The following IL1RAPL1 variants were observed in gnomAD, a reference collection of about 807,000 sequenced individuals.
The protein encoded by IL1RAPL1 is interleukin 1 receptor accessory protein like 1.
IL1RAPL1 carries 3 observed loss-of-function variants against 48.4 expected under a neutral mutation model. The ratio of observed to expected loss-of-function variants is 0.06; its 90% CI spans 0.03 to 0.16. The LOEUF (loss-of-function observed/expected upper bound fraction) is 0.16, where lower values mean the gene tolerates loss of function less well. IL1RAPL1 is among the 10% of genes least tolerant of loss of function. The pLI, the probability that IL1RAPL1 is intolerant of heterozygous loss-of-function variation, is 1.00. For synonymous variants in IL1RAPL1, 185 were observed against 187.7 expected (o/e 0.99, Z 0.12); for missense variants, 349 against 530.6 (o/e 0.66, Z 3.36).
chrX:28,613,893 C>G lies in IL1RAPL1; in HGVS notation c.-25+25846C>G, dbSNP rs184915478. ...CTGAGAGAACATGGGCTTTTCAACA[C>G]AAGTTAAATATAGGCTGGCACAGAA... On this transcript the variant is annotated intron_variant, in intron 1 of 10. Coordinates refer to ENST00000378993, the MANE Select transcript of IL1RAPL1 (RefSeq NM_014271.4). Among the ~76,000 whole-genome samples the G allele has an allele frequency of 2.2e-4, 25 of 112,338 alleles. No individual in the cohort carries two copies. The East Asian group carries it at 6.4e-3, about 29-fold the overall frequency.
At position 29,873,771 on chromosome X, in the gene IL1RAPL1, T is replaced by C. The variant is rs191038414; in HGVS notation, c.779-43693T>C. On this transcript the variant is annotated intron_variant, in intron 6 of 10. Transcript: ENST00000378993. The stretch of plus-strand genomic sequence containing the variant: ...CATGTGCCTAAGTATTTTGCCAATT[T>C]AGCGTTAATGAGTACAGCAATGCCA... Among the ~76,000 whole-genome samples, 160 of 112,016 alleles carry C rather than the reference T, an allele frequency of 1.4e-3. 1 individual carries two copies. The highest frequency in any genetic ancestry group is 4.9e-3 in the African/African-American group (151 of 30,846).
intron 5 of IL1RAPL1, among the ~76,000 whole-genome samples, chrX:29,587,010 GT>G (rs1249258135): frequency 9.1e-6 from 1 of 110,025 alleles, no homozygotes; most frequent in Non-Finnish European, 1.9e-5. Flanking sequence ...GATGCTTTTT[GT>G]TTCTTTTTGT....
chrX:29,691,402 T>C (rs1926766884), intron 6 of IL1RAPL1, among the ~76,000 whole-genome samples: 1 of 111,871 alleles, frequency 8.9e-6, no homozygotes, highest in Non-Finnish European at 1.9e-5. Flanking sequence ...AGGTATTTAT[T>C]TGTAAGAGTA....
At position 29,275,879 on chromosome X, in the gene IL1RAPL1, T is replaced by A. The variant is rs775754574; in HGVS notation, c.83-7059T>A. ...TGAACTTTAATGCATGATTATTTTA[T>A]ATGTTCATTGCTGAAAACAATCCAT... On this transcript the variant is annotated intron_variant, in intron 2 of 10. Coordinates refer to ENST00000378993, the MANE Select transcript of IL1RAPL1 (RefSeq NM_014271.4). 1.6e-4 allele frequency among the ~76,000 whole-genome samples: 18 copies of A among 112,629 alleles called. No individual in the cohort carries two copies. In the South Asian group the frequency reaches 5.8e-3, roughly 36 times the overall value.
intron 2 of IL1RAPL1, among the ~76,000 whole-genome samples, chrX:29,017,541 C>T (rs753635942): frequency 6.3e-5 from 7 of 111,803 alleles, no homozygotes; most frequent in Non-Finnish European, 9.4e-5. Flanking sequence ...TACAAAGCCA[C>T]GCTTGGAGGC....
At chrX:29,182,053 G>A (rs948126540) in intron 2 of IL1RAPL1, among the ~76,000 whole-genome samples, 3 of 110,790 alleles carry the variant, frequency 2.7e-5, no homozygotes, top group Admixed American at 9.7e-5. Context: ...GATGGAGGGC[G>A]GTTGCCAGGG....
At chrX:29,490,729 G>A (rs1438232612) in intron 5 of IL1RAPL1, among the ~76,000 whole-genome samples, 1 of 108,760 alleles carries the variant, frequency 9.2e-6, no homozygotes, top group Non-Finnish European at 1.9e-5. Context: ...AAAGGGAGTT[G>A]TTTGGCCTTG....
At chrX:29,608,698 C>T (rs59889185) in intron 5 of IL1RAPL1, among the ~76,000 whole-genome samples, 23,446 of 93,393 alleles carry the variant, frequency 0.25, 3,758 homozygotes, top group African/African-American at 0.37. Flanking sequence ...TGGTGGCGGG[C>T]GCCTGTAGTC....
chrX:29,170,301 A>T (rs1016336261), intron 2 of IL1RAPL1, among the ~76,000 whole-genome samples: 15 of 111,509 alleles, frequency 1.3e-4, no homozygotes, highest in African/African-American at 3.9e-4. Context: ...ATTTTTCTTT[A>T]TTCATTCTTC....
At position 28,734,071 on chromosome X, in the gene IL1RAPL1, A is replaced by T. The variant is rs138083964; in HGVS notation, c.-24-55249A>T. Among the ~76,000 whole-genome samples, 474 of 111,209 alleles carry T rather than the reference A, an allele frequency of 4.3e-3. 4 individuals are homozygous for T. The highest frequency in any genetic ancestry group is 0.021 in the Admixed American group (213 of 10,377). On this transcript the variant is annotated intron_variant, in intron 1 of 10. Coordinates refer to ENST00000378993, the MANE Select transcript of IL1RAPL1 (RefSeq NM_014271.4). Reference sequence around the variant, plus strand: ...ACAGTTCTCACTTTCTGTTGGCTTGACCTTCACAAGAGATCCAGATGGTGA... The same window carrying T: ...ACAGTTCTCACTTTCTGTTGGCTTGTCCTTCACAAGAGATCCAGATGGTGA...
At chrX:29,078,443 A>G (rs1241740609) in intron 2 of IL1RAPL1, among the ~76,000 whole-genome samples, 1 of 112,664 alleles carries the variant, frequency 8.9e-6, no homozygotes, top group Admixed American at 9.4e-5. Context: ...TGCAAATAGA[A>G]TTGTAATCAC....
At chrX:28,905,980 A>AAAT (rs1281598790) in intron 2 of IL1RAPL1, among the ~76,000 whole-genome samples, 1 of 112,218 alleles carries the variant, frequency 8.9e-6, no homozygotes, top group African/African-American at 3.2e-5. Flanking sequence ...GGTAGTTTAT[A>AAAT]AAAGTAAGAG....
intron 2 of IL1RAPL1, among the ~76,000 whole-genome samples, chrX:28,818,024 T>C (rs1037680904): frequency 2.7e-5 from 3 of 111,047 alleles, no homozygotes; most frequent in African/African-American, 9.8e-5. Flanking sequence ...TTTTCACTTT[T>C]GATCATGATT....
intron 1 of IL1RAPL1, among the ~76,000 whole-genome samples, chrX:28,668,944 AAT>A (rs899306955): frequency 8.9e-5 from 10 of 112,020 alleles, no homozygotes; most frequent in African/African-American, 3.2e-4. Flanking sequence ...AAATAAGGAT[AAT>A]AATAATATTC....
At chrX:29,459,625 A>G (rs1405057055) in intron 5 of IL1RAPL1, among the ~76,000 whole-genome samples, 1 of 111,896 alleles carries the variant, frequency 8.9e-6, no homozygotes. Context: ...AAACTGTAAC[A>G]TTCTAAAAAT....
chrX:29,599,056 A>G (rs1306890245), intron 5 of IL1RAPL1, among the ~76,000 whole-genome samples: 1 of 112,022 alleles, frequency 8.9e-6, no homozygotes, highest in Non-Finnish European at 1.9e-5. Context: ...GGTGTGAAGT[A>G]CTATTCTATT....
At chrX:28,719,626 T>C in intron 1 of IL1RAPL1, among the ~76,000 whole-genome samples, 1 of 111,305 alleles carries the variant, frequency 9.0e-6, no homozygotes, top group Middle Eastern at 4.6e-3. Flanking sequence ...ACAGCCCATT[T>C]ATACTGTTCA....
chrX:28,858,265 C>G (rs957830360), intron 2 of IL1RAPL1, among the ~76,000 whole-genome samples: 6 of 112,375 alleles, frequency 5.3e-5, no homozygotes, highest in Non-Finnish European at 1.1e-4. Context: ...GAAATGACAA[C>G]AAAAGATTCA....
At chrX:29,912,526 A>G (rs944924895) in intron 6 of IL1RAPL1, among the ~76,000 whole-genome samples, 1 of 112,008 alleles carries the variant, frequency 8.9e-6, no homozygotes, top group South Asian at 3.7e-4. Flanking sequence ...ATATTATGAT[A>G]AAACAGAAAT....
Sources: allele counts gnomAD v4.1 joint callset (sites outside exome capture counted in the v4.1 genomes callset), GRCh38; gene constraint gnomAD v4.1.1; transcripts MANE v1.5; gene names NCBI Gene and HGNC (gene_info 2026-07-23, HGNC 2026-07-21).